Variants in LDLRAD3 observed in about 807,000 individuals in gnomAD.
The protein encoded by LDLRAD3 is low-density lipoprotein receptor class A domain-containing protein 3.
In LDLRAD3, 20 loss-of-function variants were observed where a neutral mutation model predicts 29.4. The observed-to-expected ratio is 0.68, with a 90% CI of 0.48 to 0.99. The LOEUF is 0.99. LDLRAD3 is among the 50% of genes least tolerant of loss of function. LDLRAD3 has a pLI of 0.00. For synonymous variants in LDLRAD3, 157 were observed against 192.7 expected (o/e 0.81, Z 1.53); for missense variants, 420 against 454.3 (o/e 0.92, Z 0.69).
At chr11:36,100,962 T>C (rs1251283927) in intron 4 of LDLRAD3, among the ~76,000 whole-genome samples, 1 of 152,200 alleles carries the variant, frequency 6.6e-6, no homozygotes, top group Non-Finnish European at 1.5e-5. Context: ...CTCCTATTTT[T>C]TTAAATTCTG....
chr11:35,955,670 A>C (rs1366197749), intron 1 of LDLRAD3, among the ~76,000 whole-genome samples: 2 of 152,258 alleles, frequency 1.3e-5, no homozygotes, highest in South Asian at 4.1e-4. Context: ...CAAATATCTG[A>C]TCATCCCACA....
intron 4 of LDLRAD3, among the ~76,000 whole-genome samples, chr11:36,158,262 C>T (rs1854383109): frequency 6.6e-6 from 1 of 152,122 alleles, no homozygotes; most frequent in African/African-American, 2.4e-5. Flanking sequence ...GGGGTAATTC[C>T]CTTTGAGTTT....
chr11:36,062,352 T>G (rs1852714147), intron 2 of LDLRAD3, among the ~76,000 whole-genome samples: 1 of 152,198 alleles, frequency 6.6e-6, no homozygotes, highest in South Asian at 2.1e-4. Context: ...ATTGACATTT[T>G]GGGGCCAGGT....
intron 1 of LDLRAD3, among the ~76,000 whole-genome samples, chr11:35,987,937 T>C (rs570861144): frequency 5.3e-5 from 8 of 152,378 alleles, no homozygotes; most frequent in African/African-American, 1.9e-4. Context: ...CTGTTGTTTT[T>C]TGACTTTTTA....
chr11:36,039,583 GCTA>G (rs1565178958), intron 2 of LDLRAD3, among the ~76,000 whole-genome samples: 1 of 152,192 alleles, frequency 6.6e-6, no homozygotes. Flanking sequence ...AACATTAACT[GCTA>G]TTGGTTAAAT....
At chr11:36,103,394 C>A (rs532172894) in intron 4 of LDLRAD3, among the ~76,000 whole-genome samples, 1 of 152,018 alleles carries the variant, frequency 6.6e-6, no homozygotes, top group Non-Finnish European at 1.5e-5. Flanking sequence ...CCCACCACCA[C>A]GCCCAGCTAA....
chr11:36,216,314 T>G (rs1426649662), intron 4 of LDLRAD3, among the ~76,000 whole-genome samples: 1 of 152,226 alleles, frequency 6.6e-6, no homozygotes, highest in Admixed American at 6.5e-5. Flanking sequence ...ATTTGGAATA[T>G]GGTGTATGTT....
chr11:36,023,030 C>T (rs1261041088), intron 1 of LDLRAD3, among the ~76,000 whole-genome samples: 1 of 152,188 alleles, frequency 6.6e-6, no homozygotes, highest in East Asian at 1.9e-4. Flanking sequence ...TGTCGTCGTG[C>T]TCAGGAGGGA....
chr11:36,190,228 T>C (rs923252161), intron 4 of LDLRAD3, among the ~76,000 whole-genome samples: 1 of 152,182 alleles, frequency 6.6e-6, no homozygotes, highest in Non-Finnish European at 1.5e-5. Flanking sequence ...TTTAAAGGAC[T>C]AAACAGGAAA....
intron 1 of LDLRAD3, among the ~76,000 whole-genome samples, chr11:36,019,861 A>G (rs1314107011): frequency 1.3e-5 from 2 of 152,168 alleles, no homozygotes; most frequent in South Asian, 4.1e-4. Context: ...GCGGTCTGCC[A>G]CCCAGTGCAG....
intron 1 of LDLRAD3, among the ~76,000 whole-genome samples, chr11:35,965,327 T>C (rs1475418627): frequency 6.6e-6 from 1 of 152,222 alleles, no homozygotes; most frequent in Non-Finnish European, 1.5e-5. Context: ...AAGAGCTTGC[T>C]GCAATTGTGC....
intron 4 of LDLRAD3, among the ~76,000 whole-genome samples, chr11:36,155,052 T>A (rs1854328766): frequency 6.6e-6 from 1 of 152,182 alleles, no homozygotes; most frequent in African/African-American, 2.4e-5. Flanking sequence ...GATGGCCTTT[T>A]ACCCCAGACC....
intron 4 of LDLRAD3, among the ~76,000 whole-genome samples, chr11:36,226,054 G>A (rs545880294): frequency 5.4e-5 from 8 of 147,226 alleles, no homozygotes; most frequent in Admixed American, 4.1e-4. Flanking sequence ...GTGACAGAGC[G>A]AGACCCTGTC....
At chr11:36,062,714 C>T (rs1288554222) in intron 2 of LDLRAD3, among the ~76,000 whole-genome samples, 1 of 152,118 alleles carries the variant, frequency 6.6e-6, no homozygotes, top group Non-Finnish European at 1.5e-5. Flanking sequence ...GGGCTTTTCC[C>T]CCATTTGCTT....
intron 4 of LDLRAD3, among the ~76,000 whole-genome samples, chr11:36,165,974 C>CTCCG (rs1854509092): frequency 7.9e-6 from 1 of 126,734 alleles, no homozygotes; most frequent in Non-Finnish European, 1.6e-5. Flanking sequence ...CCCTCCCTCC[C>CTCCG]TCCCTTCCTT....
intron 1 of LDLRAD3, among the ~76,000 whole-genome samples, chr11:36,018,495 T>TA (rs1193426863): frequency 6.6e-6 from 1 of 152,222 alleles, no homozygotes; most frequent in East Asian, 1.9e-4. Context: ...TCTCCTCTTA[T>TA]AGACACTTGA....
intron 4 of LDLRAD3, among the ~76,000 whole-genome samples, chr11:36,151,240 G>A (rs1354733418): frequency 6.6e-5 from 10 of 152,104 alleles, no homozygotes; most frequent in Non-Finnish European, 1.3e-4. Flanking sequence ...TACCCACATG[G>A]TAACATTAGA....
chr11:36,142,130 C>T (rs1282046394), intron 4 of LDLRAD3, among the ~76,000 whole-genome samples: 3 of 152,236 alleles, frequency 2.0e-5, no homozygotes, highest in East Asian at 1.9e-4. Context: ...CTGGGGTTTC[C>T]GGACAGATGG....
At position 35,944,698 on chromosome 11, in the gene LDLRAD3, G is replaced by T. The variant is rs1851034602; in HGVS notation, c.46+554G>T. 6.6e-6 allele frequency among the ~76,000 whole-genome samples: 1 copy of T among 152,202 alleles called. No homozygotes were observed. The highest frequency in any genetic ancestry group is 1.5e-5 in the Non-Finnish European group (1 of 68,042). ...TCTGGGACTGTTTGGTTTGGGTAAAGTGAGTTGAAGCAAGGCCGGATCTGG... is the reference window on the plus strand; with the variant it reads ...TCTGGGACTGTTTGGTTTGGGTAAATTGAGTTGAAGCAAGGCCGGATCTGG... On this transcript the variant is annotated intron_variant, in intron 1 of 5. Coordinates refer to ENST00000315571, the MANE Select transcript of LDLRAD3 (RefSeq NM_174902.4). This position sits in a 1 kb window ranked among gnomAD's most constrained non-coding sequence, Gnocchi z 4.9.
Sources: gnomAD v4.1 joint callset for allele counts (sites outside exome capture counted in the v4.1 genomes callset) on GRCh38, gnomAD v4.1.1 for gene constraint, Gnocchi (gnomAD v3.1) non-coding constraint, MANE v1.5 for transcripts, NCBI Gene and HGNC (gene_info 2026-07-23, HGNC 2026-07-21) for gene names.